The following SNTG1 variants were observed in gnomAD, a reference collection of about 807,000 sequenced individuals.
SNTG1 encodes syntrophin gamma 1.
Under a neutral mutation model 74.7 loss-of-function variants are expected in SNTG1, and 39 were observed. The ratio of observed to expected loss-of-function variants is 0.52; its 90% CI spans 0.40 to 0.68. The LOEUF is 0.68. SNTG1 is among the 30% of genes least tolerant of loss of function. The pLI, the probability that SNTG1 is intolerant of heterozygous loss-of-function variation, is 0.00. For synonymous variants in SNTG1, 254 were observed against 217.1 expected, an observed-to-expected ratio of 1.17 and a Z score of -1.49; for missense variants, 685 against 609.5, an observed-to-expected ratio of 1.12 and a Z score of -1.30.
At chr8:50,733,859 T>C (rs1481455422) in intron 17 of SNTG1, among the ~76,000 whole-genome samples, 1 of 151,834 alleles carries the variant, frequency 6.6e-6, no homozygotes, top group Non-Finnish European at 1.5e-5. Context: ...CTATTATTTT[T>C]CTTTTAATAT....
At chr8:49,935,308 C>G (rs1005399453) in intron 1 of SNTG1, among the ~76,000 whole-genome samples, 3 of 150,100 alleles carry the variant, frequency 2.0e-5, no homozygotes, top group African/African-American at 7.4e-5. Context: ...TGGAGAGCAA[C>G]CTACTCCGAT....
chr8:49,955,127 A>C (rs1810041475), intron 1 of SNTG1, among the ~76,000 whole-genome samples: 1 of 152,236 alleles, frequency 6.6e-6, no homozygotes, highest in Admixed American at 6.5e-5. Flanking sequence ...TCTTAGTCAG[A>C]ATATTTGGCA....
chr8:50,458,824 C>G (rs577642582), intron 8 of SNTG1, among the ~76,000 whole-genome samples: 1 of 152,106 alleles, frequency 6.6e-6, no homozygotes, highest in African/African-American at 2.4e-5. Flanking sequence ...GGCCACAAGT[C>G]AGATATACAA....
intron 2 of SNTG1, among the ~76,000 whole-genome samples, chr8:50,284,120 C>T (rs2088629015): frequency 6.6e-6 from 1 of 151,848 alleles, no homozygotes; most frequent in South Asian, 2.1e-4. Context: ...GTTTTGATGA[C>T]CTTAACATTT....
chr8:49,986,029 G>A (rs576011397), intron 1 of SNTG1, among the ~76,000 whole-genome samples: 1 of 152,246 alleles, frequency 6.6e-6, no homozygotes, highest in Admixed American at 6.5e-5. Context: ...ACAAATAAAA[G>A]AATTAGGTTC....
At chr8:50,198,429 C>T (rs756077014) in intron 2 of SNTG1, among the ~76,000 whole-genome samples, 33 of 152,088 alleles carry the variant, frequency 2.2e-4, no homozygotes, top group Non-Finnish European at 4.0e-4. Context: ...CAATATGGGG[C>T]AAGTAAATCC....
At chr8:50,243,177 T>C (rs1420845676) in intron 2 of SNTG1, among the ~76,000 whole-genome samples, 3 of 25,978 alleles carry the variant, frequency 1.2e-4, no homozygotes, top group African/African-American at 1.4e-4. Flanking sequence ...TCCTGAATTA[T>C]CTTATATATT....
intron 1 of SNTG1, among the ~76,000 whole-genome samples, chr8:50,165,605 C>A (rs935979019): frequency 5.3e-5 from 8 of 152,136 alleles, no homozygotes; most frequent in Admixed American, 2.0e-4. Flanking sequence ...CGACCATGTT[C>A]TGCATATTAT....
At chr8:50,190,275 A>C (rs1056656242) in intron 2 of SNTG1, among the ~76,000 whole-genome samples, 14 of 152,140 alleles carry the variant, frequency 9.2e-5, no homozygotes, top group African/African-American at 2.4e-4. Flanking sequence ...TTCATGCAAA[A>C]TACAGCTGTT....
intron 4 of SNTG1, among the ~76,000 whole-genome samples, chr8:50,406,225 A>T (rs543169750): frequency 1.1e-4 from 16 of 152,026 alleles, no homozygotes; most frequent in Non-Finnish European, 2.2e-4. Flanking sequence ...TCTTTTAGCA[A>T]TGTTTTGTTG....
intron 8 of SNTG1, among the ~76,000 whole-genome samples, chr8:50,474,518 C>T (rs1265813986): frequency 2.6e-5 from 4 of 152,028 alleles, no homozygotes; most frequent in Non-Finnish European, 5.9e-5. Context: ...AAATCAAAAC[C>T]GCAATGAGAT....
chr8:50,136,518 A>C lies in SNTG1; in HGVS notation c.-102-36043A>C, dbSNP rs574827842. Among the ~76,000 whole-genome samples, 13 of 152,182 alleles carry C rather than the reference A, an allele frequency of 8.5e-5. 1 individual carries two copies. The highest frequency in any genetic ancestry group is 2.9e-4 in the African/African-American group (12 of 41,538). ...TCTCTAGTGATCAGTGATGTTGAGC[A>C]TTTAGTGGTCTTGCTTTTGTGTGAA... On this transcript the variant is annotated intron_variant, in intron 1 of 18. Transcript: ENST00000642720.
intron 1 of SNTG1, among the ~76,000 whole-genome samples, chr8:50,056,217 C>A (rs927468532): frequency 1.3e-5 from 2 of 152,000 alleles, no homozygotes; most frequent in Non-Finnish European, 2.9e-5. Context: ...TGAGTTAGAG[C>A]AAATTAATGA....
intron 1 of SNTG1, among the ~76,000 whole-genome samples, chr8:50,142,988 C>T (rs926128011): frequency 1.3e-5 from 2 of 152,062 alleles, no homozygotes; most frequent in Non-Finnish European, 2.9e-5. Context: ...ACATGAGAAT[C>T]GCCTGAACCC....
intron 2 of SNTG1, among the ~76,000 whole-genome samples, chr8:50,202,211 T>C (rs944223063): frequency 6.6e-6 from 1 of 152,160 alleles, no homozygotes; most frequent in East Asian, 1.9e-4. Flanking sequence ...TAAATTTGCA[T>C]GTATTAATTT....
intron 1 of SNTG1, among the ~76,000 whole-genome samples, chr8:50,105,181 T>C (rs1052942799): frequency 1.3e-5 from 2 of 152,170 alleles, no homozygotes; most frequent in African/African-American, 2.4e-5. Context: ...TTGAAGTCTT[T>C]AGTCCCTCTT....
chr8:49,910,770 A>C (rs1805538458), upstream of SNTG1: 1 of 152,334 alleles, frequency 6.6e-6, no homozygotes, highest in Non-Finnish European at 1.5e-5. Flanking sequence ...AACAAAAAAA[A>C]CAACGTAAAT....
intron 1 of SNTG1, among the ~76,000 whole-genome samples, chr8:50,115,559 C>A (rs1321147862): frequency 3.2e-5 from 1 of 30,778 alleles, no homozygotes; most frequent in African/African-American, 5.5e-5. Context: ...CAGAGCGAGA[C>A]TCTGTCTCAA....
intron 1 of SNTG1, among the ~76,000 whole-genome samples, chr8:50,005,996 C>T (rs972817778): frequency 3.4e-5 from 4 of 119,314 alleles, no homozygotes; most frequent in Middle Eastern, 8.6e-3. Context: ...GATGGAGTCT[C>T]GCTCTGTTGC....
Sources: gnomAD v4.1 joint callset for allele counts (sites outside exome capture counted in the v4.1 genomes callset) on GRCh38, gnomAD v4.1.1 for gene constraint, MANE v1.5 for transcripts, NCBI Gene and HGNC (gene_info 2026-07-23, HGNC 2026-07-21) for gene names.